Variants in ADAM8 observed in about 807,000 individuals in gnomAD.
The protein encoded by ADAM8 is ADAM metallopeptidase domain 8.
ADAM8 carries 104 observed loss-of-function variants against 102.4 expected under a neutral mutation model. The ratio of observed to expected loss-of-function variants is 1.02; its 90% CI spans 0.87 to 1.20. ADAM8 has a LOEUF of 1.20. Ranked by LOEUF, ADAM8 falls within the 50% of genes most tolerant of loss-of-function variation. The probability of loss-of-function intolerance (pLI) is 0.00; values close to 1 mark genes in which losing one functional copy is unlikely to be tolerated. For missense variants in ADAM8, 1,132 were observed against 1,159.0 expected, an observed-to-expected ratio of 0.98 and a Z score of 0.34; for synonymous variants, 517 against 485.2, an observed-to-expected ratio of 1.07 and a Z score of -0.86.
chr10:133,263,302 G>T (rs749664706), intron 22 of ADAM8, 69 bp from the exon 23 acceptor site: 8 of 1,393,268 alleles, frequency 5.7e-6, no homozygotes, highest in Non-Finnish European at 7.7e-6. Flanking sequence ...AGGGTACAAC[G>T]AAATTTTACG....
chr10:133,274,799 G>C (rs1479784415), intron 2 of ADAM8: 1 of 408,704 alleles, frequency 2.4e-6, no homozygotes, highest in African/African-American at 2.1e-5. Flanking sequence ...GCCGGACCTG[G>C]TGGTGCCTGC....
chr10:133,274,185 G>A lies in ADAM8; in HGVS notation c.201C>T (p.Asn67=), dbSNP rs953557594. ...VSYVLGATGH[N]FTLHLRKNRD... is the part of the protein sequence containing the mutation. The stretch of plus-strand genomic sequence containing the variant: ...TGTTCTTCCGCAGGTGGAGGGTGAA[G>A]TTGTGCCCTGTGGCCCCAAGGACGT... The change falls in exon 3 of 23, where the codon AAC becomes AAT. Residue 67 remains asparagine (N), a synonymous_variant. Transcript: ENST00000445355. 49 of 1,588,788 alleles carry A rather than the reference G, an allele frequency of 3.1e-5. No individual in the cohort carries two copies. The highest frequency in any genetic ancestry group is 4.1e-5 in the Non-Finnish European group (48 of 1,167,192).
chr10:133,270,704 CAT>C, intron 15 of ADAM8, 30 bp downstream of exon 15: 1 of 1,580,744 alleles, frequency 6.3e-7, no homozygotes, highest in Non-Finnish European at 8.6e-7. Flanking sequence ...GGGAACAGCA[CAT>C]GTCCTGGGCC....
At position 133,272,467 on chromosome 10, in the gene ADAM8, T is replaced by C. The variant is rs576695336; in HGVS notation, c.824A>G (p.Gln275Arg). ...GTGCCGCCGTGTCCGTTGCCGTGCCTGCCAGGTCAGGAGGTTCTCCAGTGT... is the reference window on the plus strand; with the variant it reads ...GTGCCGCCGTGTCCGTTGCCGTGCCCGCCAGGTCAGGAGGTTCTCCAGTGT... ...SVTLENLLTW[Q>R]ARQRTRRHLH... Residue 275 changes from glutamine (Q) to arginine (R), a missense_variant, in exon 9 of 23, where the codon CAG becomes CGG. Physicochemically the swap from Gln to Arg is conservative, Grantham distance 43. Transcript: ENST00000445355. 37 of 1,611,282 alleles carry C rather than the reference T, an allele frequency of 2.3e-5. No homozygotes were observed. The African/African-American group carries it at 4.7e-4, about 20-fold the overall frequency.
rs368291289 is a variant in ADAM8 at position 133,271,958 on chromosome 10, C to G, written c.958-4G>C. On this transcript the variant is annotated splice_polypyrimidine_tract_variant and splice_region_variant and intron_variant, in intron 10 of 22. Transcript: ENST00000445355. ...CCACGGGGTTCTTGCTGTGGTCCTG[C>G]AGGAGGGTCTGTGCTCTCAGGAACC... 1 of 1,609,348 alleles carries G rather than the reference C, an allele frequency of 6.2e-7. No individual in the cohort carries two copies. The highest frequency in any genetic ancestry group is 1.3e-5 in the African/African-American group (1 of 74,866).
chr10:133,272,870 G>A lies in ADAM8; in HGVS notation c.637-4C>T. 1.2e-6 allele frequency: 2 copies of A among 1,611,382 alleles called. No homozygotes were observed. The highest frequency in any genetic ancestry group is 1.7e-6 in the Non-Finnish European group (2 of 1,178,872). On this transcript the variant is annotated splice_region_variant and splice_polypyrimidine_tract_variant and intron_variant, in intron 7 of 22. Transcript: ENST00000445355. ...CTTCGCTCCCCAGCATCTGGAACTG[G>A]GGACACGAGACCCTCAGGCTGGAGC...
rs1408660738 is a variant in ADAM8 at position 133,262,910 on chromosome 10, G to C, written c.*246C>G. Reference sequence around the variant, plus strand: ...ACACACACGCACCCGCAAGCACACAGCTCATCCCAGCCTGGTGCCTGCAGA... The same window carrying C: ...ACACACACGCACCCGCAAGCACACACCTCATCCCAGCCTGGTGCCTGCAGA... On this transcript the variant is annotated 3_prime_UTR_variant, in exon 23 of 23. Transcript: ENST00000445355. 9.4e-6 allele frequency: 6 copies of C among 641,182 alleles called. No individual in the cohort carries two copies. The highest frequency in any genetic ancestry group is 7.2e-5 in the African/African-American group (4 of 55,192). The allele number at this position is 641,182 out of a possible 1,614,324, so 39.7% of individuals were successfully genotyped here.
chr10:133,271,699 A>G lies in ADAM8; in HGVS notation c.1113T>C (p.Ser371=), dbSNP rs1185222532. 6.3e-7 allele frequency: 1 copy of G among 1,583,662 alleles called. No individual in the cohort carries two copies. Among genetic ancestry groups the G allele is most frequent in the Non-Finnish European group, 8.6e-7 (1 of 1,164,422 alleles). The change falls in exon 12 of 23, where the codon AGT becomes AGC. Residue 371 remains serine, a synonymous_variant. Transcript: ENST00000445355. ...RCIMAGSIGS[S]FPRMFSDCSQ... is the part of the protein sequence containing the mutation. ...TGCAGTCACTGAACATCCTGGGGAA[A>G]CTGGAGCTGGGGAGGCGGGGCAGCA... is the stretch of plus-strand genomic sequence containing the variant.
Position 133,267,965 on chromosome 10 carries a change from CGGGTGTCGG to C in ADAM8, c.2208_2216del (p.Arg737_Pro739del). The C allele has an allele frequency of 1.6e-6, 2 of 1,261,322 alleles. No homozygotes were observed. The highest frequency in any genetic ancestry group is 2.0e-6 in the Non-Finnish European group (2 of 996,716). 78.1% of individuals were successfully genotyped at this position (1,261,322 alleles called of 1,614,324 possible). A position where few individuals can be genotyped will look rare whatever the true frequency, so the allele number is the denominator to read the frequency against. On this transcript the variant is annotated inframe_deletion, in exon 20 of 23. Transcript: ENST00000445355. ...GCCTCTTCAGAGCCACCGAGGAGGC[CGGGTGTCGG>C]GCGGGCTGGCCCGGGTGGGTGGTGG...
At position 133,271,991 on chromosome 10, in the gene ADAM8, C is replaced by T. The variant is rs367660053; in HGVS notation, c.958-37G>A. ...TCTGTGCTCTCAGGAACCATGTGGCCAACTCCCCACGCCTGCCACCCTCAC... is the reference window on the plus strand; with the variant it reads ...TCTGTGCTCTCAGGAACCATGTGGCTAACTCCCCACGCCTGCCACCCTCAC... On this transcript the variant is annotated intron_variant, in intron 10 of 22. Transcript: ENST00000445355. 10 of 1,596,452 alleles carry T rather than the reference C, an allele frequency of 6.3e-6. No homozygotes were observed. In the African/African-American group the frequency reaches 9.4e-5, roughly 15 times the overall value.
chr10:133,271,803 C>T lies in ADAM8; in HGVS notation c.1106+3G>A, dbSNP rs765578082. ...CTGGCTCTGCAGGGCCTGGCCGCCT[C>T]ACCCAATGCTGCCCGCCATGATGCA... On this transcript the variant is annotated splice_donor_region_variant and intron_variant, in intron 11 of 22. Coordinates refer to ENST00000445355, the MANE Select transcript of ADAM8 (RefSeq NM_001109.5). The T allele has an allele frequency of 1.9e-6, 3 of 1,611,134 alleles. No individual in the cohort carries two copies. Among genetic ancestry groups the T allele is most frequent in the African/African-American group, 1.3e-5 (1 of 74,830 alleles).
chr10:133,269,977 G>A lies in ADAM8; in HGVS notation c.1786-3C>T, dbSNP rs566257682. 3 of 1,612,504 alleles carry A rather than the reference G, an allele frequency of 1.9e-6. No individual in the cohort carries two copies. Among genetic ancestry groups the A allele is most frequent in the South Asian group, 2.2e-5 (2 of 91,088 alleles). ...TGGCAACGTCCTTTCCAGCAAACCT[G>A]GGGGTAGGAGGCGTCTCTCAGGCAG... is the stretch of plus-strand genomic sequence containing the variant. On this transcript the variant is annotated splice_region_variant and splice_polypyrimidine_tract_variant and intron_variant, in intron 16 of 22. Coordinates refer to ENST00000445355, the MANE Select transcript of ADAM8 (RefSeq NM_001109.5).
At position 133,267,340 on chromosome 10, in the gene ADAM8, A is replaced by G. The variant is rs574716445; in HGVS notation, c.2319+12T>C. ...CCTCAGAAGGCTTGGCCGCCCAATC[A>G]CCACTGCTCACCTGCTTTGGTGCCT... On this transcript the variant is annotated intron_variant, in intron 21 of 22. Transcript: ENST00000445355. 24 of 1,604,482 alleles carry G rather than the reference A, an allele frequency of 1.5e-5. No individual in the cohort carries two copies. In the East Asian group the frequency reaches 2.9e-4, roughly 20 times the overall value.
In ADAM8 at chr10:133,267,462, C is replaced by T. The variant is rs756095777; in HGVS notation, c.2254-45G>A. Reference sequence around the variant, plus strand: ...GAGCCTGGGTCAGAGCTGGGACCCCCGTGCCCCTCCAGCACCCCCAGCTCC... The same window carrying T: ...GAGCCTGGGTCAGAGCTGGGACCCCTGTGCCCCTCCAGCACCCCCAGCTCC... On this transcript the variant is annotated intron_variant, in intron 20 of 22. Transcript: ENST00000445355. 68 of 1,544,176 alleles carry T rather than the reference C, an allele frequency of 4.4e-5. No individual in the cohort carries two copies. The East Asian group carries it at 9.2e-4, about 21-fold the overall frequency.
chr10:133,273,107 C>G (rs1846610011), intron 6 of ADAM8, 88 bp from the exon 7 acceptor site: 6 of 1,600,290 alleles, frequency 3.7e-6, no homozygotes, highest in Non-Finnish European at 5.1e-6. Flanking sequence ...TGTCCAGCCC[C>G]TGTCCAGTGC....
intron 20 of ADAM8, among the ~76,000 whole-genome samples, chr10:133,267,650 C>A (rs1272805951): frequency 6.6e-6 from 1 of 152,246 alleles, no homozygotes; most frequent in African/African-American, 2.4e-5. Context: ...CAGATGGGCT[C>A]TGTGGAGGCC....
Position 133,271,254 on chromosome 10 carries a change from G to C in ADAM8, c.1320C>G (p.Cys440Trp), listed in dbSNP as rs1434693526. The change falls in exon 13 of 23, where the codon TGC becomes TGG. Residue 440 changes from cysteine to tryptophan, a missense_variant. Cys to Trp is a radical substitution (Grantham distance 215). Transcript: ENST00000445355. ...CACACTGGGCCCCCTCAGCCAGCTG[G>C]CAGGTGGTAGAGTTGCAGCAGCGGT... The part of the protein sequence containing the change: ...CRNRCCNSTT[C>W]QLAEGAQCAH... The C allele has an allele frequency of 1.9e-6, 3 of 1,611,340 alleles. No homozygotes were observed. Among genetic ancestry groups the C allele is most frequent in the Non-Finnish European group, 2.5e-6 (3 of 1,179,790 alleles).
chr10:133,275,134 C>A (rs544811152), intron 2 of ADAM8: 12 of 344,758 alleles, frequency 3.5e-5, no homozygotes, highest in Non-Finnish European at 5.4e-5. Flanking sequence ...GCCAGGCCCC[C>A]CCCCCAACAC....
Position 133,263,744 on chromosome 10 carries a change from G to C in ADAM8, c.2341C>G (p.Pro781Ala). 3 of 1,572,342 alleles carry C rather than the reference G, an allele frequency of 1.9e-6. No individual in the cohort carries two copies. The highest frequency in any genetic ancestry group is 1.7e-6 in the Non-Finnish European group (2 of 1,159,306). Residue 781 changes from proline to alanine, a missense_variant, in exon 22 of 23, where the codon CCC becomes GCC. Coordinates refer to ENST00000445355, the MANE Select transcript of ADAM8 (RefSeq NM_001109.5). ...PKQVIKPTFA[P>A]PVPPVKPGAG... ...CCGGGTTTGACTGGGGGCACTGGGG[G>C]TGCGAACGTTGGCTTGATGACCTGG...
Sources: allele counts gnomAD v4.1 joint callset (sites outside exome capture counted in the v4.1 genomes callset), GRCh38; gene constraint gnomAD v4.1.1; transcripts MANE v1.5; gene names NCBI Gene and HGNC (gene_info 2026-07-23, HGNC 2026-07-21).